C18orf63: variants seen among roughly 807,000 people sequenced by gnomAD.
C18orf63 encodes chromosome 18 open reading frame 63.
A neutral mutation model predicts 75.3 loss-of-function variants in C18orf63; 50 were observed. That is an observed-to-expected ratio of 0.66 (90% CI 0.53 to 0.84). The LOEUF (loss-of-function observed/expected upper bound fraction) is 0.84. Ranked by LOEUF, C18orf63 falls within the 40% of genes least tolerant of loss-of-function variation. C18orf63 has a pLI of 0.00. For synonymous variants in C18orf63, 232 were observed against 267.6 expected (o/e 0.87, Z 1.30); for missense variants, 732 against 800.2 (o/e 0.91, Z 1.03).
chr18:74,336,650 G>A lies in C18orf63; in HGVS notation c.502-2065G>A, dbSNP rs1053855980. ...ACACCAGTACCTCCCAAATATTCTT[G>A]TATAGTTGTAACTTTTCTGTCATCT... On this transcript the variant is annotated intron_variant, in intron 7 of 13. Transcript: ENST00000579455. 1.6e-4 allele frequency among the ~76,000 whole-genome samples: 24 copies of A among 151,962 alleles called. 1 individual carries two copies. Among genetic ancestry groups the A allele is most frequent in the African/African-American group, 5.8e-4 (24 of 41,394 alleles).
chr18:74,341,270 C>CA (rs58362707), intron 8 of C18orf63, among the ~76,000 whole-genome samples: 922 of 59,014 alleles, frequency 0.016, 152 homozygotes, highest in East Asian at 0.054. Context: ...GACTCCGTCT[C>CA]AAAAAAAAAA....
chr18:74,359,088 A>G lies in C18orf63; in HGVS notation c.*2641A>G, dbSNP rs1328169862. ...TAGTCAGTATTTATAAATATTTAAG[A>G]ATGTCATGGTCCTTATGTTTTGATG... On this transcript the variant is annotated 3_prime_UTR_variant, in exon 14 of 14. Transcript: ENST00000579455. 6.6e-6 allele frequency: 1 copy of G among 152,078 alleles called. No individual in the cohort carries two copies. Among genetic ancestry groups the G allele is most frequent in the African/African-American group, 2.4e-5 (1 of 41,432 alleles). The allele number at this position is 152,078 out of a possible 1,614,324, so 9.4% of individuals were successfully genotyped here. A position where few individuals can be genotyped will look rare whatever the true frequency, so the allele number is the denominator to read the frequency against.
intron 4 of C18orf63, among the ~76,000 whole-genome samples, chr18:74,323,723 T>G (rs896331687): frequency 1.3e-5 from 2 of 152,206 alleles, no homozygotes; most frequent in African/African-American, 4.8e-5. Flanking sequence ...CTTGAGTAAA[T>G]TAATTTTGTT....
At chr18:74,334,431 C>G (rs1348920051) in intron 7 of C18orf63, among the ~76,000 whole-genome samples, 1 of 152,022 alleles carries the variant, frequency 6.6e-6, no homozygotes, top group Non-Finnish European at 1.5e-5. Flanking sequence ...AAAGGGGTAG[C>G]AGAAAAGTCA....
Position 74,328,045 on chromosome 18 carries a change from T to C in C18orf63, c.369T>C (p.His123=), listed in dbSNP as rs1309941081. ...CTCCAGCCTGGAATAGAACTGGTCATCTCTTGATACAAGGTAACTTTATCT... is the reference window on the plus strand; with the variant it reads ...CTCCAGCCTGGAATAGAACTGGTCACCTCTTGATACAAGGTAACTTTATCT... The part of the protein sequence containing the change: ...RLAPAWNRTG[H]LLIQGRDFLS... Residue 123 remains histidine, a synonymous_variant, in exon 5 of 14, where the codon CAT becomes CAC. Transcript: ENST00000579455. 6 of 1,526,236 alleles carry C rather than the reference T, an allele frequency of 3.9e-6. No individual in the cohort carries two copies. Among genetic ancestry groups the C allele is most frequent in the Non-Finnish European group, 5.3e-6 (6 of 1,137,900 alleles). The allele number at this position is 1,526,236 out of a possible 1,614,324, so 94.5% of individuals were successfully genotyped here.
Position 74,329,029 on chromosome 18 carries a change from T to A in C18orf63, c.417T>A (p.Ser139Arg). ...RDFLSQMGKQ[S>R]AVVLNINVTE... is the part of the protein sequence containing the mutation. ...TTCTTTCTCAGATGGGAAAACAAAGTGCTGTTGGTAAGTAAAAATGCATAA... is the reference window on the plus strand; with the variant it reads ...TTCTTTCTCAGATGGGAAAACAAAGAGCTGTTGGTAAGTAAAAATGCATAA... Residue 139 changes from serine to arginine, a missense_variant, in exon 6 of 14, where the codon AGT becomes AGA. Coordinates refer to ENST00000579455, the MANE Select transcript of C18orf63 (RefSeq NM_001174123.2). 1 of 1,504,710 alleles carries A rather than the reference T, an allele frequency of 6.6e-7. No homozygotes were observed. Among genetic ancestry groups the A allele is most frequent in the Non-Finnish European group, 8.9e-7 (1 of 1,118,572 alleles). 93.2% of individuals were successfully genotyped at this position (1,504,710 alleles called of 1,614,324 possible).
Position 74,322,737 on chromosome 18 carries a change from GA to G in C18orf63, c.258del (p.Lys86AsnfsTer12). 5.2e-6 allele frequency: 7 copies of G among 1,341,562 alleles called. No homozygotes were observed. Among genetic ancestry groups the G allele is most frequent in the Admixed American group, 2.2e-5 (1 of 45,290 alleles). 83.1% of individuals were successfully genotyped at this position (1,341,562 alleles called of 1,614,324 possible). ...YKARKLNAYV[E>X]KYGAKMEAPQ... ...AGCAAGAAAACTTAATGCCTATGTT[GA>G]AAAATATGGAGCTAAGGTAAGTGTT... is the stretch of plus-strand genomic sequence containing the variant. On this transcript the variant is annotated frameshift_variant, in exon 4 of 14. Transcript: ENST00000579455. LOFTEE classifies it high-confidence loss of function.
At chr18:74,352,296 G>A (rs1984679904) in intron 11 of C18orf63, among the ~76,000 whole-genome samples, 1 of 151,960 alleles carries the variant, frequency 6.6e-6, no homozygotes, top group African/African-American at 2.4e-5. Flanking sequence ...TGTTTGGAAT[G>A]AAAAAAAATT....
At chr18:74,355,506 AG>A (rs74618580) in intron 13 of C18orf63, among the ~76,000 whole-genome samples, 1 of 152,078 alleles carries the variant, frequency 6.6e-6, no homozygotes, top group Admixed American at 6.6e-5. Flanking sequence ...GTCATCCAGG[AG>A]GGGGGGCTTA....
Position 74,343,340 on chromosome 18 carries a change from A to G in C18orf63, c.795-179A>G, listed in dbSNP as rs192207836. Among the ~76,000 whole-genome samples, 16 of 152,294 alleles carry G rather than the reference A, an allele frequency of 1.1e-4. No individual in the cohort carries two copies. The East Asian group carries it at 2.3e-3, about 22-fold the overall frequency. ...TGGAATGTTAGAATAGAAGGAATGAAGATCCCTGTGAGAAAACATACTTTC... is the reference window on the plus strand; with the variant it reads ...TGGAATGTTAGAATAGAAGGAATGAGGATCCCTGTGAGAAAACATACTTTC... On this transcript the variant is annotated intron_variant, in intron 10 of 13. Transcript: ENST00000579455.
chr18:74,356,461 T>C lies in C18orf63; in HGVS notation c.*34-20T>C, dbSNP rs9807615. 77,644 of 152,410 alleles carry C rather than the reference T, an allele frequency of 0.51. 20,425 individuals are homozygous for C. The highest frequency in any genetic ancestry group is 0.59 in the Middle Eastern group (172 of 294). 9.4% of individuals were successfully genotyped at this position (152,410 alleles called of 1,614,324 possible). ...GTTTCAAGAAAAAAGTAAAAAACCA[T>C]CTGTAATTTCTCTTTGCAGAGATGA... On this transcript the variant is annotated intron_variant, in intron 13 of 13. Coordinates refer to ENST00000579455, the MANE Select transcript of C18orf63 (RefSeq NM_001174123.2).
rs1287109316 is a variant in C18orf63 at position 74,335,401 on chromosome 18, A to G, written c.502-3314A>G. 3.3e-5 allele frequency among the ~76,000 whole-genome samples: 5 copies of G among 152,116 alleles called. No homozygotes were observed. The East Asian group carries it at 9.6e-4, about 29-fold the overall frequency. On this transcript the variant is annotated intron_variant, in intron 7 of 13. Transcript: ENST00000579455. ...TTTCAGCCCTTATCTTTACAATTTA[A>G]ATAGAGATAAAAAAATTTAAGAGGT...
rs1568241320 is a variant in C18orf63, at chr18:74,354,125, G to C, written c.1858G>C (p.Val620Leu). The C allele has an allele frequency of 6.5e-7, 1 of 1,536,272 alleles. No individual in the cohort carries two copies. Among genetic ancestry groups the C allele is most frequent in the Non-Finnish European group, 8.7e-7 (1 of 1,146,938 alleles). The change falls in exon 12 of 14, where the codon GTT becomes CTT. Residue 620 changes from valine (V) to leucine (L), a missense_variant. Val to Leu is a conservative substitution (Grantham distance 32, BLOSUM62 1). Coordinates refer to ENST00000579455, the MANE Select transcript of C18orf63 (RefSeq NM_001174123.2). The part of the protein sequence containing the change: ...QQQSENQAKE[V>L]GTSDHRLIVS... ...GCAATCAGAAAATCAAGCTAAAGAA[G>C]TTGGTACAAGTGACCACAGGTTGAT...
At chr18:74,324,742 T>G (rs146070754) in intron 4 of C18orf63, among the ~76,000 whole-genome samples, 1 of 152,360 alleles carries the variant, frequency 6.6e-6, no homozygotes. Context: ...AATTCACACC[T>G]GTGACTTCAT....
intron 4 of C18orf63, among the ~76,000 whole-genome samples, chr18:74,323,770 A>T (rs1160038238): frequency 1.3e-5 from 2 of 152,250 alleles, no homozygotes; most frequent in Admixed American, 1.3e-4. Context: ...GAGAAAGGAA[A>T]ATAATTCAGT....
Position 74,357,950 on chromosome 18 carries a change from A to G in C18orf63, c.*1503A>G, listed in dbSNP as rs11874893. 0.73 allele frequency: 110,719 copies of G among 151,956 alleles called. 40,417 individuals are homozygous for G. Among genetic ancestry groups the G allele is most frequent in the Non-Finnish European group, 0.75 (51,139 of 67,952 alleles). 9.4% of individuals were successfully genotyped at this position (151,956 alleles called of 1,614,324 possible). A position where few individuals can be genotyped will look rare whatever the true frequency, so the allele number is the denominator to read the frequency against. ...TTTATGAGGCTATGGTGAAAATAAC[A>G]TTAGTAAATATGCATTTTTGATGAG... On this transcript the variant is annotated 3_prime_UTR_variant, in exon 14 of 14. Coordinates refer to ENST00000579455, the MANE Select transcript of C18orf63 (RefSeq NM_001174123.2).
chr18:74,337,081 A>G (rs757606364), intron 7 of C18orf63, among the ~76,000 whole-genome samples: 1 of 152,122 alleles, frequency 6.6e-6, no homozygotes, highest in African/African-American at 2.4e-5. Context: ...TTCTAAAACA[A>G]AGGTCCCCAG....
At chr18:74,316,460 G>A (rs905050798) in intron 1 of C18orf63, among the ~76,000 whole-genome samples, 2 of 152,212 alleles carry the variant, frequency 1.3e-5, no homozygotes, top group African/African-American at 4.8e-5. Context: ...CCGCGCCCCG[G>A]GAGGATTTTT....
intron 11 of C18orf63, among the ~76,000 whole-genome samples, chr18:74,344,172 C>T (rs1269324666): frequency 6.6e-6 from 1 of 152,044 alleles, no homozygotes; most frequent in Non-Finnish European, 1.5e-5. Flanking sequence ...TGTCTGATTT[C>T]ATTAAGAAAT....
Sources: allele counts gnomAD v4.1 joint callset (sites outside exome capture counted in the v4.1 genomes callset), GRCh38; gene constraint gnomAD v4.1.1; transcripts MANE v1.5; gene names NCBI Gene and HGNC (gene_info 2026-07-23, HGNC 2026-07-21).